TLL2: variants seen among roughly 807,000 people sequenced by gnomAD.
TLL2 encodes tolloid-like protein 2.
Under a neutral mutation model 123.0 loss-of-function variants are expected in TLL2, and 106 were observed. The ratio of observed to expected loss-of-function variants is 0.86; its 90% CI spans 0.74 to 1.01. The LOEUF (loss-of-function observed/expected upper bound fraction) is 1.01, where lower values mean the gene tolerates loss of function less well. TLL2 is among the 50% of genes least tolerant of loss of function. TLL2 has a pLI of 0.00. For missense variants in TLL2, 1,332 were observed against 1,336.7 expected, an observed-to-expected ratio of 1.00 and a Z score of 0.06; for synonymous variants, 494 against 516.8, an observed-to-expected ratio of 0.96 and a Z score of 0.60.
intron 2 of TLL2, among the ~76,000 whole-genome samples, chr10:96,464,557 G>A (rs547955247): frequency 1.3e-3 from 204 of 152,172 alleles, no homozygotes; most frequent in African/African-American, 4.8e-3. Context: ...GCACGTGCCA[G>A]CCCGGGGCAG....
At chr10:96,492,985 C>T (rs1344141460) in intron 1 of TLL2, among the ~76,000 whole-genome samples, 1 of 152,200 alleles carries the variant, frequency 6.6e-6, no homozygotes, top group Non-Finnish European at 1.5e-5. Flanking sequence ...TCCATCACGT[C>T]CCCATTGATC....
chr10:96,420,981 G>T lies in TLL2; in HGVS notation c.898C>A (p.His300Asn). Residue 300 changes from histidine to asparagine, a missense_variant, in exon 7 of 21, where the codon CAC (histidine) becomes AAC (asparagine). By Grantham distance (68) the His-to-Asn change is moderately conservative. Transcript: ENST00000357947. ...CTTGAGAAGGTGTTCCGGGCGTAGT[G>T]CATGATGCTGTCAAAGTCGTATGTC... is the stretch of plus-strand genomic sequence containing the variant. ...GETYDFDSIM[H>N]YARNTFSRGV... 1 of 1,614,056 alleles carries T rather than the reference G, an allele frequency of 6.2e-7. No individual in the cohort carries two copies. Among genetic ancestry groups the T allele is most frequent in the Non-Finnish European group, 8.5e-7 (1 of 1,179,982 alleles).
chr10:96,418,726 T>C (rs1846590038), intron 7 of TLL2, among the ~76,000 whole-genome samples: 1 of 147,612 alleles, frequency 6.8e-6, no homozygotes, highest in Non-Finnish European at 1.5e-5. Flanking sequence ...TATATAAATA[T>C]ATAAATTAAT....
At chr10:96,414,197 A>C (rs936514381) in intron 7 of TLL2, among the ~76,000 whole-genome samples, 1 of 152,080 alleles carries the variant, frequency 6.6e-6, no homozygotes, top group African/African-American at 2.4e-5. Context: ...CAGACCCTCT[A>C]TCTGGGGCCT....
At chr10:96,384,914 A>C in intron 15 of TLL2, 147 bp from the exon 16 acceptor site, 1 of 760,312 alleles carries the variant, frequency 1.3e-6, no homozygotes, top group South Asian at 3.2e-5. Flanking sequence ...CGGTTATTTG[A>C]ATGAGCTCCA....
At chr10:96,406,309 T>G (rs368192970) in intron 9 of TLL2, among the ~76,000 whole-genome samples, 1 of 152,200 alleles carries the variant, frequency 6.6e-6, no homozygotes, top group East Asian at 1.9e-4. Context: ...CTGTGGCTCC[T>G]CCCACTGTCC....
chr10:96,470,121 G>C (rs976159716), intron 2 of TLL2, among the ~76,000 whole-genome samples: 19 of 152,166 alleles, frequency 1.2e-4, no homozygotes, highest in Admixed American at 1.2e-3. Context: ...TGTACAAAGG[G>C]CCCTGTAAAG....
chr10:96,464,256 C>T (rs1334104850), intron 2 of TLL2, among the ~76,000 whole-genome samples: 1 of 151,918 alleles, frequency 6.6e-6, no homozygotes, highest in Non-Finnish European at 1.5e-5. Context: ...TGGTGGTGTG[C>T]ACCTGTAATC....
At chr10:96,475,689 CCTCCAGGGA>C (rs1222301435) in intron 2 of TLL2, among the ~76,000 whole-genome samples, 1 of 152,126 alleles carries the variant, frequency 6.6e-6, no homozygotes, top group Non-Finnish European at 1.5e-5. Flanking sequence ...CCCATGTCTC[CCTCCAGGGA>C]CCTCAGACCT....
intron 3 of TLL2, among the ~76,000 whole-genome samples, chr10:96,442,603 G>A (rs1276142321): frequency 2.0e-5 from 3 of 152,128 alleles, no homozygotes; most frequent in African/African-American, 4.8e-5. Flanking sequence ...TTCCTTATCC[G>A]CTTCGAACAA....
chr10:96,488,120 T>C (rs1422451756), intron 1 of TLL2, among the ~76,000 whole-genome samples: 1 of 152,212 alleles, frequency 6.6e-6, no homozygotes, highest in East Asian at 1.9e-4. Flanking sequence ...GCTGAGATAA[T>C]GCGGATCCAT....
intron 17 of TLL2, 67 bp from the exon 18 acceptor site, chr10:96,376,886 CT>C: frequency 2.1e-6 from 3 of 1,441,532 alleles, no homozygotes; most frequent in Non-Finnish European, 2.7e-6. Flanking sequence ...AAGAAGGATT[CT>C]AGGGGGGTCT....
chr10:96,510,166 G>A (rs1010989790), intron 1 of TLL2, among the ~76,000 whole-genome samples: 12 of 152,196 alleles, frequency 7.9e-5, no homozygotes, highest in Admixed American at 5.9e-4. Context: ...AAACTTGTGG[G>A]TGAGGATAGG....
At chr10:96,504,788 C>T (rs369292039) in intron 1 of TLL2, among the ~76,000 whole-genome samples, 26 of 152,184 alleles carry the variant, frequency 1.7e-4, no homozygotes, top group African/African-American at 4.6e-4. Flanking sequence ...GAGCAGATCA[C>T]GAGGTCAGGA....
intron 4 of TLL2, among the ~76,000 whole-genome samples, chr10:96,432,435 C>T (rs952142312): frequency 7.2e-5 from 11 of 152,100 alleles, no homozygotes; most frequent in South Asian, 2.1e-4. Context: ...GAGTCCAGGA[C>T]GCTCATCCAG....
chr10:96,421,883 T>C (rs1846627879), intron 6 of TLL2, among the ~76,000 whole-genome samples: 1 of 152,018 alleles, frequency 6.6e-6, no homozygotes, highest in South Asian at 2.1e-4. Context: ...AAACCTGATC[T>C]TGCAATTTGA....
At chr10:96,383,646 A>G (rs1846204857) in intron 16 of TLL2, among the ~76,000 whole-genome samples, 1 of 151,974 alleles carries the variant, frequency 6.6e-6, no homozygotes, top group African/African-American at 2.4e-5. Flanking sequence ...CCCGAGATGG[A>G]GTCTTGCTCT....
At chr10:96,402,666 T>A (rs755088854) in intron 10 of TLL2, among the ~76,000 whole-genome samples, 50 of 152,238 alleles carry the variant, frequency 3.3e-4, no homozygotes, top group Admixed American at 1.4e-3. Context: ...CTCCTGTCCG[T>A]ACTTGGCCTG....
At chr10:96,396,343 G>A (rs917504156) in intron 11 of TLL2, among the ~76,000 whole-genome samples, 1 of 152,228 alleles carries the variant, frequency 6.6e-6, no homozygotes, top group Non-Finnish European at 1.5e-5. Flanking sequence ...TCCAGTGGGT[G>A]TTGGGGAGCG....
Sources: gnomAD v4.1 joint callset for allele counts (sites outside exome capture counted in the v4.1 genomes callset) on GRCh38, gnomAD v4.1.1 for gene constraint, MANE v1.5 for transcripts, NCBI Gene and HGNC (gene_info 2026-07-23, HGNC 2026-07-21) for gene names.